The following RANBP17 variants were observed in gnomAD, a reference collection of about 807,000 sequenced individuals.
RANBP17 encodes ran-binding protein 17.
A neutral mutation model predicts 141.2 loss-of-function variants in RANBP17; 158 were observed. The observed-to-expected ratio is 1.12, with a 90% confidence interval of 0.98 to 1.28. The LOEUF is 1.28. Ranked by LOEUF, RANBP17 falls within the 50% of genes most tolerant of loss-of-function variation. The pLI, the probability that RANBP17 is intolerant of heterozygous loss-of-function variation, is 0.00. For synonymous variants in RANBP17, 430 were observed against 450.0 expected (o/e 0.96, Z 0.56); for missense variants, 1,438 against 1,290.7 (o/e 1.11, Z -1.75).
rs180783561 is a variant in RANBP17, at chr5:171,182,373, T to G, written c.1866-794T>G. Among the ~76,000 whole-genome samples the G allele has an allele frequency of 1.4e-3, 213 of 152,306 alleles. 1 individual carries two copies. The highest frequency in any genetic ancestry group is 4.6e-3 in the African/African-American group (192 of 41,562). ...TAGTCCTTGTATTCATGTTTCCGAT[T>G]TCTTAACTTTATGCTCCTTCTAAGT... On this transcript the variant is annotated intron_variant, in intron 16 of 27. Transcript: ENST00000523189.
intron 14 of RANBP17, among the ~76,000 whole-genome samples, chr5:171,074,154 G>A (rs918049342): frequency 1.3e-5 from 2 of 152,166 alleles, no homozygotes; most frequent in African/African-American, 2.4e-5. Flanking sequence ...AGTGTTAAGT[G>A]TTAAAATCAC....
intron 14 of RANBP17, among the ~76,000 whole-genome samples, chr5:171,131,112 C>A (rs994208755): frequency 1.3e-5 from 2 of 152,166 alleles, no homozygotes; most frequent in African/African-American, 4.8e-5. Context: ...AAACTCAGAT[C>A]CTCAGCTTTC....
intron 7 of RANBP17, among the ~76,000 whole-genome samples, chr5:170,913,529 G>A (rs569912812): frequency 1.3e-5 from 2 of 152,150 alleles, no homozygotes; most frequent in African/African-American, 2.4e-5. Flanking sequence ...CAGCTCAGCC[G>A]TTAATATTAT....
chr5:171,080,924 T>G (rs1014172804), intron 14 of RANBP17, among the ~76,000 whole-genome samples: 1 of 152,196 alleles, frequency 6.6e-6, no homozygotes. Flanking sequence ...TAAGTGTAAT[T>G]TATGTGCCAA....
chr5:171,117,181 A>G (rs1022994966), intron 14 of RANBP17, among the ~76,000 whole-genome samples: 1 of 152,276 alleles, frequency 6.6e-6, no homozygotes, highest in African/African-American at 2.4e-5. Context: ...TTTCCTTTGG[A>G]TAAAGTACCA....
intron 24 of RANBP17, among the ~76,000 whole-genome samples, chr5:171,262,105 A>G (rs1766371977): frequency 6.6e-6 from 1 of 152,178 alleles, no homozygotes; most frequent in South Asian, 2.1e-4. Context: ...TTTTAATGCA[A>G]CCTGCATGGC....
intron 4 of RANBP17, among the ~76,000 whole-genome samples, chr5:170,894,014 G>T (rs1204273568): frequency 6.6e-6 from 1 of 152,088 alleles, no homozygotes; most frequent in Non-Finnish European, 1.5e-5. Flanking sequence ...GAAATGCTAG[G>T]TTATGCTGCT....
At chr5:171,155,990 G>C (rs1758869247) in intron 14 of RANBP17, among the ~76,000 whole-genome samples, 1 of 152,086 alleles carries the variant, frequency 6.6e-6, no homozygotes, top group South Asian at 2.1e-4. Context: ...CTGTAAATTG[G>C]AGTATAGTTA....
intron 13 of RANBP17, among the ~76,000 whole-genome samples, chr5:170,955,534 A>G (rs1775570353): frequency 1.8e-5 from 2 of 108,814 alleles, no homozygotes; most frequent in Admixed American, 2.1e-4. Flanking sequence ...GTCTGTGTAT[A>G]TATATATATG....
chr5:170,990,432 A>C (rs147587284), intron 14 of RANBP17, among the ~76,000 whole-genome samples: 1 of 152,038 alleles, frequency 6.6e-6, no homozygotes, highest in East Asian at 1.9e-4. Flanking sequence ...CATCTGGTAC[A>C]TTTATTTTTT....
rs557491112 is a variant in RANBP17, at chr5:170,870,686, T to C, written c.19-7411T>C. On this transcript the variant is annotated intron_variant, in intron 1 of 27. Coordinates refer to ENST00000523189, the MANE Select transcript of RANBP17 (RefSeq NM_022897.5). Reference sequence around the variant, plus strand: ...AATAGTGCTGCAGTAAACATACATGTGCATGTATCTTTATAATAGAATGAT... The same window carrying C: ...AATAGTGCTGCAGTAAACATACATGCGCATGTATCTTTATAATAGAATGAT... Among the ~76,000 whole-genome samples the C allele has an allele frequency of 2.0e-5, 3 of 152,350 alleles. No individual in the cohort carries two copies. The East Asian group carries it at 5.8e-4, about 29-fold the overall frequency.
intron 14 of RANBP17, among the ~76,000 whole-genome samples, chr5:171,006,787 G>A (rs1302172656): frequency 2.0e-5 from 3 of 151,928 alleles, no homozygotes; most frequent in Non-Finnish European, 4.4e-5. Flanking sequence ...GCCCCTCTGG[G>A]TCTAGGGTGG....
In RANBP17 at chr5:171,206,392, G is replaced by T. The variant is rs78527420; in HGVS notation, c.2231+780G>T. The T allele has an allele frequency of 2.6e-3, 405 of 153,350 alleles. 16 individuals carry two copies. The East Asian group carries it at 0.07, about 27-fold the overall frequency. The allele number at this position is 153,350 out of a possible 1,614,324, so 9.5% of individuals were successfully genotyped here. Reference sequence around the variant, plus strand: ...CTGTATAATGTCTGGCACATTTTTGGTAGTTGTAAATGGTCGTTAATATTG... The same window carrying T: ...CTGTATAATGTCTGGCACATTTTTGTTAGTTGTAAATGGTCGTTAATATTG... On this transcript the variant is annotated intron_variant, in intron 20 of 27. Coordinates refer to ENST00000523189, the MANE Select transcript of RANBP17 (RefSeq NM_022897.5).
At chr5:171,286,334 C>T (rs956254303) in intron 25 of RANBP17, among the ~76,000 whole-genome samples, 1 of 152,068 alleles carries the variant, frequency 6.6e-6, no homozygotes, top group African/African-American at 2.4e-5. Context: ...CCAGTGATTC[C>T]AGGGGAGAGC....
chr5:170,944,369 C>T (rs879859221), intron 12 of RANBP17, among the ~76,000 whole-genome samples: 18 of 152,198 alleles, frequency 1.2e-4, no homozygotes, highest in Admixed American at 9.2e-4. Context: ...CAGGTTCAAG[C>T]TATTCTCCCA....
intron 14 of RANBP17, among the ~76,000 whole-genome samples, chr5:171,033,253 G>C (rs1461805961): frequency 6.6e-6 from 1 of 151,998 alleles, no homozygotes; most frequent in Non-Finnish European, 1.5e-5. Context: ...TTTACAGTGT[G>C]GATAGGCCAG....
rs190733397 is a variant in RANBP17, at chr5:171,180,118, T to G, written c.1866-3049T>G. Among the ~76,000 whole-genome samples, 733 of 152,320 alleles carry G rather than the reference T, an allele frequency of 4.8e-3. 5 individuals are homozygous for G. Among genetic ancestry groups the G allele is most frequent in the African/African-American group, 0.017 (714 of 41,572 alleles). ...TTTAATGGGTTACTGCCAGCCAGAC[T>G]ATAGAGTTTGCTCAATCCTGGATGT... On this transcript the variant is annotated intron_variant, in intron 16 of 27. Coordinates refer to ENST00000523189, the MANE Select transcript of RANBP17 (RefSeq NM_022897.5).
At chr5:171,232,888 C>T (rs990562653) in intron 22 of RANBP17, among the ~76,000 whole-genome samples, 1 of 152,172 alleles carries the variant, frequency 6.6e-6, no homozygotes, top group Non-Finnish European at 1.5e-5. Context: ...TGAACATCTG[C>T]TTTTCCATTA....
intron 14 of RANBP17, among the ~76,000 whole-genome samples, chr5:171,019,352 C>T (rs1465528505): frequency 6.6e-6 from 1 of 152,004 alleles, no homozygotes; most frequent in African/African-American, 2.4e-5. Flanking sequence ...CTTTTTGTAC[C>T]TCTGGTAGAA....
Sources: gnomAD v4.1 joint callset for allele counts (sites outside exome capture counted in the v4.1 genomes callset) on GRCh38, gnomAD v4.1.1 for gene constraint, MANE v1.5 for transcripts, NCBI Gene and HGNC (gene_info 2026-07-23, HGNC 2026-07-21) for gene names.